SASH1: variants seen among roughly 807,000 people sequenced by gnomAD.
SASH1 encodes SAM and SH3 domain containing 1, also known as SAM and SH3 domain-containing protein 1.
In SASH1, 44 loss-of-function variants were observed where a neutral mutation model predicts 125.2. The ratio of observed to expected loss-of-function variants is 0.35; its 90% CI spans 0.28 to 0.45. The LOEUF (loss-of-function observed/expected upper bound fraction) is 0.45. SASH1 is among the 20% of genes least tolerant of loss of function. SASH1 has a pLI of 1.00. For missense variants in SASH1, 1,426 were observed against 1,614.5 expected, an observed-to-expected ratio of 0.88 and a Z score of 2.00; for synonymous variants, 639 against 649.1, an observed-to-expected ratio of 0.98 and a Z score of 0.24.
At chr6:148,328,467 C>G (rs1252131141) in intron 1 of SASH1, among the ~76,000 whole-genome samples, 1 of 151,996 alleles carries the variant, frequency 6.6e-6, no homozygotes, top group Admixed American at 6.6e-5. Context: ...GTGGTGGGCA[C>G]CTGTAATCCC....
At chr6:148,542,440 G>T (rs986978629) in intron 17 of SASH1, among the ~76,000 whole-genome samples, 4 of 152,094 alleles carry the variant, frequency 2.6e-5, no homozygotes, top group African/African-American at 9.7e-5. Flanking sequence ...AGGCTGGAGT[G>T]CAGTGGCGCG....
intron 1 of SASH1, among the ~76,000 whole-genome samples, chr6:148,334,909 A>AG (rs1250892489): frequency 1.5e-5 from 2 of 134,218 alleles, no homozygotes; most frequent in Admixed American, 7.8e-5. Context: ...CGGGAGGCAG[A>AG]GTTGCAGTGA....
At position 148,533,589 on chromosome 6, in the gene SASH1, C is replaced by A. The variant is rs1205169551; in HGVS notation, c.1735-182C>A. On this transcript the variant is annotated intron_variant, in intron 14 of 19. Transcript: ENST00000367467. The surrounding 1 kb of genome is among the most constrained non-coding windows in gnomAD (Gnocchi z 6.2). ...ATTCCGTACAGTCAGAGACACCTGT[C>A]TGGCCTCTGCGGAGCTCACAGTCAC... Among the ~76,000 whole-genome samples the A allele has an allele frequency of 6.6e-6, 1 of 152,164 alleles. No individual in the cohort carries two copies. Among genetic ancestry groups the A allele is most frequent in the Non-Finnish European group, 1.5e-5 (1 of 68,034 alleles).
At chr6:148,250,225 AGACT>A in the SASH1 span, among the ~76,000 whole-genome samples, 1 of 152,178 alleles carries the variant, frequency 6.6e-6, no homozygotes, top group Non-Finnish European at 1.5e-5. Flanking sequence ...AAACCAAGAC[AGACT>A]GTCTTCAGGG....
intron 1 of SASH1, among the ~76,000 whole-genome samples, chr6:148,366,093 A>C (rs1451074527): frequency 2.6e-5 from 4 of 151,404 alleles, no homozygotes; most frequent in Non-Finnish European, 5.9e-5. Flanking sequence ...AGCCTGGGGG[A>C]TAGAGTGAAA....
intron 1 of SASH1, among the ~76,000 whole-genome samples, chr6:148,358,727 G>GGTTTTTTTTTTTTT (rs1239319632): frequency 2.0e-5 from 2 of 98,788 alleles, no homozygotes; most frequent in Non-Finnish European, 4.4e-5. Flanking sequence ...CTAATGCCAT[G>GGTTTTTTTTTTTTT]TTTTTGTTTT....
Position 148,544,854 on chromosome 6 carries a change from CTTTG to C in SASH1, c.3348+42_3348+45del, listed in dbSNP as rs767199638. ...TCCTGGGCCCACCACGTTCACAGGC[CTTTG>C]TTTGTAGAAGTCAGGCAGCCAGGTG... On this transcript the variant is annotated intron_variant, in intron 18 of 19. Coordinates refer to ENST00000367467, the MANE Select transcript of SASH1 (RefSeq NM_015278.5). This position sits in a 1 kb window ranked among gnomAD's most constrained non-coding sequence, Gnocchi z 6.4. 61 of 1,512,896 alleles carry C rather than the reference CTTTG, an allele frequency of 4.0e-5. No homozygotes were observed. The African/African-American group carries it at 7.5e-4, about 19-fold the overall frequency. 93.7% of individuals were successfully genotyped at this position (1,512,896 alleles called of 1,614,324 possible).
chr6:148,425,036 C>T (rs1204377972), intron 2 of SASH1, among the ~76,000 whole-genome samples: 22 of 152,132 alleles, frequency 1.4e-4, no homozygotes, highest in Admixed American at 1.4e-3. Context: ...ATGAGCAGTA[C>T]ACAGGATGGG....
Position 148,533,172 on chromosome 6 carries a change from C to A in SASH1, c.1734+206C>A, listed in dbSNP as rs1165692750. On this transcript the variant is annotated intron_variant, in intron 14 of 19. Coordinates refer to ENST00000367467, the MANE Select transcript of SASH1 (RefSeq NM_015278.5). This position sits in a 1 kb window ranked among gnomAD's most constrained non-coding sequence, Gnocchi z 6.2. ...GGCAGAGGGAGGGTCTCGTGTTAAT[C>A]CCTGGGTTAGCATCACTTCACCCCT... Among the ~76,000 whole-genome samples the A allele has an allele frequency of 6.6e-6, 1 of 152,142 alleles. No homozygotes were observed. Among genetic ancestry groups the A allele is most frequent in the Admixed American group, 6.5e-5 (1 of 15,288 alleles).
chr6:148,519,743 C>T lies in SASH1; in HGVS notation c.1059C>T (p.Thr353=), dbSNP rs1188608854. ...TWGAGRKLVK[T]FSKGESRGLI... ...GGGCTGGCCGGAAGTTGGTCAAAAC[C>T]TTCAGCAAAGGAGAGAGCCGGGGCC... The change falls in exon 10 of 20, where the codon ACC becomes ACT. Residue 353 remains threonine, a synonymous_variant. Transcript: ENST00000367467. This position sits in a 1 kb window ranked among gnomAD's most constrained non-coding sequence, Gnocchi z 4.8. 6.2e-7 allele frequency: 1 copy of T among 1,614,126 alleles called. No homozygotes were observed. Among genetic ancestry groups the T allele is most frequent in the South Asian group, 1.1e-5 (1 of 91,074 alleles).
chr6:148,276,881 T>A lies in SASH1; in HGVS notation n.74+4504T>A, dbSNP rs538566933. Among the ~76,000 whole-genome samples the A allele has an allele frequency of 3.9e-5, 6 of 152,078 alleles. No individual in the cohort carries two copies. The East Asian group carries it at 1.2e-3, about 29-fold the overall frequency. On this transcript the variant is annotated intron_variant and non_coding_transcript_variant, in intron 1 of 3. Coordinates refer to the SASH1 transcript ENST00000367469. ...AGGAGAGTCACTTGAAGCCAGGAGT[T>A]AGAGACAAGCCTGGGCAATGTAGCA... is the stretch of plus-strand genomic sequence containing the variant.
In SASH1 at chr6:148,533,871, T is replaced by C. The variant is rs931165069; in HGVS notation, c.1835T>C (p.Val612Ala). 1.2e-6 allele frequency: 2 copies of C among 1,614,064 alleles called. No individual in the cohort carries two copies. Among genetic ancestry groups the C allele is most frequent in the Admixed American group, 1.7e-5 (1 of 60,022 alleles). ...ACGTTCAAGTTCATCTACGTGGACG[T>C]GCTCAGTGAAGACGAGGAGAAACCC... ...VGTFKFIYVDVLSEDEEKPKR... is the reference protein window; with the variant it reads ...VGTFKFIYVDALSEDEEKPKR... Residue 612 changes from valine to alanine, a missense_variant, in exon 15 of 20, where the codon GTG (valine) becomes GCG (alanine). Physicochemically the swap from Val to Ala is moderately conservative, Grantham distance 64 (BLOSUM62 0). Around this residue, in one of 3 missense-constraint regions of SASH1, gnomAD observed 225 missense variants for 344.5 expected, o/e 0.65. Transcript: ENST00000367467. The surrounding 1 kb of genome is among the most constrained non-coding windows in gnomAD (Gnocchi z 6.2).
At chr6:148,381,583 A>G (rs1490967921) in intron 1 of SASH1, among the ~76,000 whole-genome samples, 1 of 144,864 alleles carries the variant, frequency 6.9e-6, no homozygotes, top group African/African-American at 2.5e-5. Flanking sequence ...GCTGTTGCCT[A>G]GGAAGCGAAC....
intron 1 of SASH1, among the ~76,000 whole-genome samples, chr6:148,344,133 A>G (rs937839164): frequency 2.2e-4 from 33 of 152,196 alleles, no homozygotes; most frequent in African/African-American, 7.0e-4. Flanking sequence ...TACAGTTTTT[A>G]GCACAGTGAT....
At chr6:148,352,469 C>A (rs930545391) in intron 1 of SASH1, among the ~76,000 whole-genome samples, 2 of 151,846 alleles carry the variant, frequency 1.3e-5, no homozygotes, top group African/African-American at 4.8e-5. Flanking sequence ...TAGTGGCAGG[C>A]GCCTGTAGTC....
chr6:148,343,174 G>T lies in SASH1; in HGVS notation c.107G>T (p.Gly36Val). 1 of 1,600,268 alleles carries T rather than the reference G, an allele frequency of 6.2e-7. No homozygotes were observed. ...EPEPEPKPGA[G>V]TSEAFSRLWT... ...GAACCGGAGCCCAAGCCGGGTGCTG[G>T]CACATCCGAGGCGTTCTCCCGACTC... Residue 36 changes from glycine to valine, a missense_variant, in exon 1 of 20, where the codon GGC (glycine) becomes GTC (valine). Transcript: ENST00000367467.
chr6:148,254,886 C>A, the SASH1 span, among the ~76,000 whole-genome samples: 1 of 151,966 alleles, frequency 6.6e-6, no homozygotes, highest in Admixed American at 6.6e-5. Flanking sequence ...AACATATGTC[C>A]GTACAAAAAC....
At chr6:148,542,790 C>T (rs986118494) in intron 17 of SASH1, among the ~76,000 whole-genome samples, 9 of 152,068 alleles carry the variant, frequency 5.9e-5, no homozygotes, top group African/African-American at 2.2e-4. Context: ...GTGGAACATA[C>T]AGGTGGACAG....
the SASH1 span, among the ~76,000 whole-genome samples, chr6:148,200,725 T>C: frequency 6.6e-6 from 1 of 152,190 alleles, no homozygotes; most frequent in African/African-American, 2.4e-5. Flanking sequence ...AAAATAGCCT[T>C]TTGTCTAAAG....
Sources: gnomAD v4.1 joint callset for allele counts (sites outside exome capture counted in the v4.1 genomes callset) on GRCh38, gnomAD v4.1.1 for gene constraint, gnomAD v4.1.1 regional missense constraint, Gnocchi (gnomAD v3.1) non-coding constraint, MANE v1.5 for transcripts, NCBI Gene and HGNC (gene_info 2026-07-23, HGNC 2026-07-21) for gene names.